Variants in SPOCK1 observed in about 807,000 individuals in gnomAD.
The protein encoded by SPOCK1 is SPARC (osteonectin), cwcv and kazal like domains proteoglycan 1, also known as testican-1.
SPOCK1 carries 23 observed loss-of-function variants against 55.3 expected under a neutral mutation model. That is an observed-to-expected ratio of 0.42 (90% CI 0.30 to 0.59). The LOEUF (loss-of-function observed/expected upper bound fraction) is 0.59. SPOCK1 is among the 20% of genes least tolerant of loss of function. The pLI, the probability that SPOCK1 is intolerant of heterozygous loss-of-function variation, is 0.22. For synonymous variants in SPOCK1, 226 were observed against 221.0 expected (o/e 1.02, Z -0.20); for missense variants, 499 against 552.5 (o/e 0.90, Z 0.97).
chr5:137,494,225 C>T (rs1158283646), intron 2 of SPOCK1, among the ~76,000 whole-genome samples: 2 of 152,198 alleles, frequency 1.3e-5, no homozygotes, highest in Non-Finnish European at 2.9e-5. Context: ...ACATGACCCC[C>T]ACAATACACT....
intron 5 of SPOCK1, among the ~76,000 whole-genome samples, chr5:137,077,078 C>T (rs1342145328): frequency 6.6e-6 from 1 of 152,164 alleles, no homozygotes; most frequent in Non-Finnish European, 1.5e-5. Context: ...CGCCCACCAC[C>T]ACGCCTGGCT....
At chr5:137,127,558 G>C (rs998675671) in intron 4 of SPOCK1, among the ~76,000 whole-genome samples, 1 of 152,252 alleles carries the variant, frequency 6.6e-6, no homozygotes, top group African/African-American at 2.4e-5. Context: ...GAAGGGAGTA[G>C]CTCTGCCCAG....
At chr5:137,077,228 C>G (rs1048463196) in intron 5 of SPOCK1, among the ~76,000 whole-genome samples, 1 of 152,220 alleles carries the variant, frequency 6.6e-6, no homozygotes, top group African/African-American at 2.4e-5. Flanking sequence ...CCGGCCCCCG[C>G]AGATTTAATT....
chr5:137,430,509 T>G (rs965207676), intron 2 of SPOCK1, among the ~76,000 whole-genome samples: 3 of 152,246 alleles, frequency 2.0e-5, no homozygotes, highest in Admixed American at 6.5e-5. Flanking sequence ...TCAGCAATGA[T>G]GAGACACAGC....
chr5:137,161,233 G>T (rs1580783875), intron 3 of SPOCK1, among the ~76,000 whole-genome samples: 1 of 151,560 alleles, frequency 6.6e-6, no homozygotes, highest in Non-Finnish European at 1.5e-5. Context: ...ATCAGAAGTA[G>T]TTACATGAGG....
chr5:137,272,657 T>G (rs887274191), intron 2 of SPOCK1, among the ~76,000 whole-genome samples: 2 of 151,972 alleles, frequency 1.3e-5, no homozygotes, highest in Admixed American at 1.3e-4. Flanking sequence ...AAGCTACCAC[T>G]CGTGAGAACC....
intron 2 of SPOCK1, among the ~76,000 whole-genome samples, chr5:137,395,681 T>C (rs1172686625): frequency 1.3e-5 from 2 of 152,132 alleles, no homozygotes; most frequent in Non-Finnish European, 2.9e-5. Flanking sequence ...GGTGAGGTGG[T>C]TGATGGAGCA....
rs963038956 is a variant in SPOCK1, at chr5:137,140,363, G to C, written c.347+217C>G. ...CAGGACTCAGAGTCAAAATGAAGTA[G>C]ATTTAAAGGAAATAAAGATGGACAT... On this transcript the variant is annotated intron_variant, in intron 4 of 10. Transcript: ENST00000394945. Among the ~76,000 whole-genome samples, 6 of 152,188 alleles carry C rather than the reference G, an allele frequency of 3.9e-5. No individual in the cohort carries two copies. In the East Asian group the frequency reaches 7.7e-4, roughly 20 times the overall value.
At chr5:137,375,000 GT>G (rs1751282807) in intron 2 of SPOCK1, among the ~76,000 whole-genome samples, 1 of 152,138 alleles carries the variant, frequency 6.6e-6, no homozygotes, top group Non-Finnish European at 1.5e-5. Context: ...CCCCATCTCA[GT>G]TGCAGCCGTT....
intron 2 of SPOCK1, among the ~76,000 whole-genome samples, chr5:137,271,861 C>G (rs532416345): frequency 6.6e-6 from 1 of 152,270 alleles, no homozygotes; most frequent in African/African-American, 2.4e-5. Flanking sequence ...GATCGTTTCT[C>G]CTTCATACAT....
At chr5:137,468,876 ACT>A (rs965113832) in intron 2 of SPOCK1, among the ~76,000 whole-genome samples, 8 of 152,018 alleles carry the variant, frequency 5.3e-5, no homozygotes, top group African/African-American at 1.9e-4. Context: ...GTTCCCCCCA[ACT>A]CACACACACA....
chr5:137,238,886 T>G (rs1359190009), intron 3 of SPOCK1, among the ~76,000 whole-genome samples: 1 of 152,226 alleles, frequency 6.6e-6, no homozygotes, highest in Non-Finnish European at 1.5e-5. Context: ...TAGTGAGATA[T>G]AGTAAGAAAT....
At chr5:137,450,549 T>C (rs1334236056) in intron 2 of SPOCK1, among the ~76,000 whole-genome samples, 2 of 151,954 alleles carry the variant, frequency 1.3e-5, no homozygotes, top group East Asian at 1.9e-4. Flanking sequence ...GGCCCATGCT[T>C]AGAAGGGCCA....
chr5:137,270,332 A>C (rs1206733667), intron 2 of SPOCK1, among the ~76,000 whole-genome samples: 1 of 151,394 alleles, frequency 6.6e-6, no homozygotes, highest in African/African-American at 2.4e-5. Flanking sequence ...TTTAAACATA[A>C]ACCCAAATAG....
intron 5 of SPOCK1, among the ~76,000 whole-genome samples, chr5:137,110,177 G>C (rs543678851): frequency 6.6e-6 from 1 of 152,328 alleles, no homozygotes; most frequent in Admixed American, 6.5e-5. Flanking sequence ...TAGCAGAGGA[G>C]ACACACAGAC....
chr5:136,982,437 GCTTA>G (rs1193405811), intron 9 of SPOCK1, among the ~76,000 whole-genome samples: 3 of 151,968 alleles, frequency 2.0e-5, no homozygotes, highest in Admixed American at 2.0e-4. Context: ...TTACAGAAAT[GCTTA>G]CTCTTATTTC....
intron 2 of SPOCK1, among the ~76,000 whole-genome samples, chr5:137,447,779 A>T (rs1280859017): frequency 6.6e-6 from 1 of 152,182 alleles, no homozygotes; most frequent in Non-Finnish European, 1.5e-5. Flanking sequence ...TATGCCTGCA[A>T]GAAAATCCCT....
At chr5:137,354,549 C>G (rs1343931591) in intron 2 of SPOCK1, among the ~76,000 whole-genome samples, 1 of 152,204 alleles carries the variant, frequency 6.6e-6, no homozygotes, top group Non-Finnish European at 1.5e-5. Flanking sequence ...CTGAGGGTAT[C>G]TGCCTCCAAG....
intron 2 of SPOCK1, among the ~76,000 whole-genome samples, chr5:137,480,416 G>A (rs1441116863): frequency 4.0e-5 from 6 of 151,296 alleles, no homozygotes; most frequent in African/African-American, 7.3e-5. Flanking sequence ...AGTTCTAATC[G>A]GCTCTACCAA....
Sources: allele counts gnomAD v4.1 joint callset (sites outside exome capture counted in the v4.1 genomes callset), GRCh38; gene constraint gnomAD v4.1.1; transcripts MANE v1.5; gene names NCBI Gene and HGNC (gene_info 2026-07-23, HGNC 2026-07-21).